UBR3: variants seen among roughly 807,000 people sequenced by gnomAD.
UBR3 encodes ubiquitin protein ligase E3 component n-recognin 3.
UBR3 carries 85 observed loss-of-function variants against 243.2 expected under a neutral mutation model. That is an observed-to-expected ratio of 0.35 (90% CI 0.29 to 0.42). The LOEUF is 0.42. Among genes scored for constraint, UBR3 ranks in the 10% least tolerant of loss-of-function variants. The probability of loss-of-function intolerance (pLI) is 1.00; values close to 1 mark genes in which losing one functional copy is unlikely to be tolerated. For missense variants in UBR3, 1,686 were observed against 2,300.8 expected, an observed-to-expected ratio of 0.73 and a Z score of 5.47; for synonymous variants, 748 against 799.8, an observed-to-expected ratio of 0.94 and a Z score of 1.09.
chr2:169,983,120 T>G, intron 24 of UBR3, among the ~76,000 whole-genome samples: 2 of 151,192 alleles, frequency 1.3e-5, no homozygotes, highest in Non-Finnish European at 1.5e-5. Flanking sequence ...CAAGGTGGAG[T>G]TGAGAGTGAG....
chr2:170,014,036 C>A, intron 29 of UBR3: 1 of 423,924 alleles, frequency 2.4e-6, no homozygotes, highest in Non-Finnish European at 5.0e-6. Context: ...TCCCTTGTCA[C>A]ACAGATGCCC....
At chr2:169,966,879 GT>G (rs1426425100) in intron 24 of UBR3, among the ~76,000 whole-genome samples, 4 of 150,924 alleles carry the variant, frequency 2.7e-5, no homozygotes, top group Non-Finnish European at 5.9e-5. Flanking sequence ...ACTGTGTAGG[GT>G]TTTTTTTTCT....
chr2:170,022,320 G>A (rs962578026), intron 30 of UBR3, among the ~76,000 whole-genome samples: 1 of 152,144 alleles, frequency 6.6e-6, no homozygotes, highest in African/African-American at 2.4e-5. Context: ...ACTCCGGGAG[G>A]CAGGAGAGGA....
At chr2:169,863,136 A>G (rs1350552778) in intron 1 of UBR3, among the ~76,000 whole-genome samples, 1 of 152,138 alleles carries the variant, frequency 6.6e-6, no homozygotes, top group East Asian at 1.9e-4. Flanking sequence ...GTAACTTGCA[A>G]ATAGACCACC....
At chr2:169,856,801 T>C (rs1574057927) in intron 1 of UBR3, among the ~76,000 whole-genome samples, 1 of 116,964 alleles carries the variant, frequency 8.5e-6, no homozygotes, top group Admixed American at 1.2e-4. Context: ...AGCCTCGGCT[T>C]GGCATCAGAG....
chr2:170,066,602 ATAGC>A (rs2091573231), intron 35 of UBR3, among the ~76,000 whole-genome samples: 1 of 152,136 alleles, frequency 6.6e-6, no homozygotes, highest in Admixed American at 6.5e-5. Context: ...AAAAATAATG[ATAGC>A]TAGCATTTAC....
At chr2:169,941,860 A>T (rs1195938220) in intron 19 of UBR3, among the ~76,000 whole-genome samples, 2 of 152,192 alleles carry the variant, frequency 1.3e-5, no homozygotes, top group Non-Finnish European at 2.9e-5. Flanking sequence ...AGAGACAGAC[A>T]AGCTAATTCA....
intron 23 of UBR3, among the ~76,000 whole-genome samples, chr2:169,954,275 C>T (rs2087171046): frequency 6.6e-6 from 1 of 151,940 alleles, no homozygotes; most frequent in South Asian, 2.1e-4. Context: ...GGGTCTTGCT[C>T]TGTCACTCAG....
At chr2:170,026,595 C>A (rs2090535858) in intron 30 of UBR3, among the ~76,000 whole-genome samples, 1 of 152,204 alleles carries the variant, frequency 6.6e-6, no homozygotes, top group Non-Finnish European at 1.5e-5. Flanking sequence ...GACAGTGGTG[C>A]TTCCTATACA....
At chr2:169,908,382 CATTT>C (rs2085102461) in intron 10 of UBR3, among the ~76,000 whole-genome samples, 1 of 152,288 alleles carries the variant, frequency 6.6e-6, no homozygotes, top group Admixed American at 6.5e-5. Context: ...ATAATCTACT[CATTT>C]ATTCCTCCAG....
chr2:169,878,911 T>G (rs979521649), intron 5 of UBR3, among the ~76,000 whole-genome samples: 1 of 152,312 alleles, frequency 6.6e-6, no homozygotes, highest in Middle Eastern at 3.4e-3. Context: ...AGTTGTCATA[T>G]GTACAATGAA....
At chr2:170,044,788 G>A (rs13408281) in intron 32 of UBR3, among the ~76,000 whole-genome samples, 79,229 of 151,950 alleles carry the variant, frequency 0.52, 21,306 homozygotes, top group East Asian at 0.84. Context: ...CCTGTGCCAA[G>A]GTAGCTGCTA....
chr2:169,954,820 G>A (rs900598168), intron 23 of UBR3, among the ~76,000 whole-genome samples: 93 of 152,044 alleles, frequency 6.1e-4, no homozygotes, highest in African/African-American at 2.1e-3. Flanking sequence ...TGATCCACCC[G>A]TCTCGGCATC....
intron 24 of UBR3, among the ~76,000 whole-genome samples, chr2:169,965,677 T>C (rs1574300006): frequency 6.6e-6 from 1 of 152,222 alleles, no homozygotes; most frequent in South Asian, 2.1e-4. Context: ...GACAAAGGGA[T>C]GATTCACATC....
Position 169,925,690 on chromosome 2 carries a change from G to A in UBR3, c.2094G>A (p.Thr698=), listed in dbSNP as rs771406147. The change falls in exon 14 of 39, where the codon ACG becomes ACA. Residue 698 remains threonine (T), a synonymous_variant. Transcript: ENST00000272793. Reference sequence around the variant, plus strand: ...TGCAAATCAAAGGACAAGCCATGACGTATGTCCAGTCTCATTTCTGTAATT... The same window carrying A: ...TGCAAATCAAAGGACAAGCCATGACATATGTCCAGTCTCATTTCTGTAATT... ...NGLQIKGQAM[T]YVQSHFCNSM... is the part of the protein sequence containing the mutation. 35 of 1,550,810 alleles carry A rather than the reference G, an allele frequency of 2.3e-5. No homozygotes were observed. Among genetic ancestry groups the A allele is most frequent in the South Asian group, 7.1e-5 (6 of 83,966 alleles).
At chr2:169,898,131 A>C (rs915296650) in intron 8 of UBR3, among the ~76,000 whole-genome samples, 1 of 152,202 alleles carries the variant, frequency 6.6e-6, no homozygotes, top group Non-Finnish European at 1.5e-5. Context: ...TAAAAATAAC[A>C]ACAAACAATA....
intron 24 of UBR3, among the ~76,000 whole-genome samples, chr2:169,985,447 T>C (rs1419292813): frequency 6.6e-6 from 1 of 152,002 alleles, no homozygotes; most frequent in Admixed American, 6.6e-5. Flanking sequence ...CCAGGCTTGG[T>C]CTCAAACTCC....
At chr2:170,022,304 A>G (rs1043421127) in intron 30 of UBR3, among the ~76,000 whole-genome samples, 13 of 152,210 alleles carry the variant, frequency 8.5e-5, no homozygotes, top group African/African-American at 2.9e-4. Context: ...GAGTGGAGAC[A>G]TAGGAACTCC....
intron 5 of UBR3, among the ~76,000 whole-genome samples, chr2:169,882,359 TTATATA>T (rs2083919820): frequency 1.5e-4 from 4 of 26,908 alleles, no homozygotes; most frequent in Non-Finnish European, 5.8e-4. Flanking sequence ...TAAATATATA[TTATATA>T]TGTAAATATA....
Sources: gnomAD v4.1 joint callset for allele counts (sites outside exome capture counted in the v4.1 genomes callset) on GRCh38, gnomAD v4.1.1 for gene constraint, MANE v1.5 for transcripts, NCBI Gene and HGNC (gene_info 2026-07-23, HGNC 2026-07-21) for gene names.